SGMS1: variants seen among roughly 807,000 people sequenced by gnomAD.
SGMS1 encodes sphingomyelin synthase 1.
Under a neutral mutation model 46.2 loss-of-function variants are expected in SGMS1, and 13 were observed. That is an observed-to-expected ratio of 0.28 (90% CI 0.18 to 0.45). SGMS1 has a LOEUF of 0.45. Ranked by LOEUF, SGMS1 falls within the 20% of genes least tolerant of loss-of-function variation. The pLI is 1.00. For synonymous variants in SGMS1, 203 were observed against 187.8 expected (o/e 1.08, Z -0.66); for missense variants, 324 against 519.9 (o/e 0.62, Z 3.66).
rs547003185 is a variant in SGMS1 at position 50,554,822 on chromosome 10, C to T, written c.-588-34901G>A. ...ACTATGTATTCTTTTTCTAGACACA[C>T]AAAATGTTCTACAAGTTGCTTTTTT... is the stretch of plus-strand genomic sequence containing the variant. On this transcript the variant is annotated intron_variant, in intron 2 of 10. Coordinates refer to ENST00000361781, the MANE Select transcript of SGMS1 (RefSeq NM_147156.4). Among the ~76,000 whole-genome samples, 5 of 152,332 alleles carry T rather than the reference C, an allele frequency of 3.3e-5. No homozygotes were observed. The South Asian group carries it at 8.3e-4, about 25-fold the overall frequency.
intron 5 of SGMS1, among the ~76,000 whole-genome samples, chr10:50,446,455 T>C (rs916752963): frequency 6.6e-6 from 1 of 152,056 alleles, no homozygotes; most frequent in Non-Finnish European, 1.5e-5. Flanking sequence ...GGGGCTGGTT[T>C]CCCCCGATAC....
At chr10:50,578,965 C>T (rs1838409084) in intron 2 of SGMS1, among the ~76,000 whole-genome samples, 2 of 151,702 alleles carry the variant, frequency 1.3e-5, no homozygotes, top group Non-Finnish European at 2.9e-5. Flanking sequence ...AATGGACATT[C>T]AAAGATCATA....
intron 6 of SGMS1, among the ~76,000 whole-genome samples, chr10:50,349,433 G>A (rs892551662): frequency 7.2e-5 from 11 of 152,206 alleles, no homozygotes; most frequent in East Asian, 5.8e-4. Flanking sequence ...GGGAGCCTGC[G>A]TTTGAGAGTC....
At chr10:50,551,074 T>C (rs780920619) in intron 2 of SGMS1, among the ~76,000 whole-genome samples, 4 of 152,092 alleles carry the variant, frequency 2.6e-5, no homozygotes, top group African/African-American at 9.7e-5. Context: ...GTGGGCTACA[T>C]ATAGTGACTT....
At chr10:50,438,137 G>T (rs1849497872) in intron 5 of SGMS1, among the ~76,000 whole-genome samples, 1 of 152,190 alleles carries the variant, frequency 6.6e-6, no homozygotes, top group Admixed American at 6.5e-5. Context: ...TTCTTGGCCA[G>T]TCTCAGATGT....
At position 50,495,073 on chromosome 10, in the gene SGMS1, C is replaced by CAAAAA. The variant is rs35208238; in HGVS notation, c.-498+24753_-498+24757dup. Reference sequence around the variant, plus strand: ...AAAATAAAAAAAAATACAAAAAATACAAAAAAAAAAAAAAATTAGCCGGAC... The same window carrying CAAAAA: ...AAAATAAAAAAAAATACAAAAAATACAAAAAAAAAAAAAAAAAAAATTAGCCGGAC... On this transcript the variant is annotated intron_variant, in intron 3 of 10. Coordinates refer to ENST00000361781, the MANE Select transcript of SGMS1 (RefSeq NM_147156.4). Among the ~76,000 whole-genome samples, 22 of 87,134 alleles carry CAAAAA rather than the reference C, an allele frequency of 2.5e-4. 1 individual carries two copies. Among genetic ancestry groups the CAAAAA allele is most frequent in the African/African-American group, 7.2e-4 (17 of 23,768 alleles). 57.2% of individuals were successfully genotyped at this position (87,134 alleles called of 152,430 possible).
chr10:50,618,313 ATACTCT>A (rs1341100609), intron 1 of SGMS1, among the ~76,000 whole-genome samples: 2 of 152,226 alleles, frequency 1.3e-5, no homozygotes, highest in African/African-American at 4.8e-5. Flanking sequence ...AAAATATCTT[ATACTCT>A]TAAAGTGCAA....
intron 3 of SGMS1, among the ~76,000 whole-genome samples, chr10:50,469,771 C>A (rs919062218): frequency 4.3e-4 from 66 of 152,212 alleles, no homozygotes; most frequent in Non-Finnish European, 5.9e-4. Flanking sequence ...CTACTGGTGA[C>A]TTCCTCTCAA....
At chr10:50,466,049 TGA>T (rs990557969) in intron 4 of SGMS1, among the ~76,000 whole-genome samples, 14 of 152,246 alleles carry the variant, frequency 9.2e-5, no homozygotes, top group African/African-American at 3.4e-4. Context: ...GGGTGGTCTA[TGA>T]GAGAGAACTC....
intron 1 of SGMS1, among the ~76,000 whole-genome samples, chr10:50,592,321 T>G (rs2131894577): frequency 1.3e-5 from 2 of 152,354 alleles, no homozygotes; most frequent in East Asian, 3.9e-4. Context: ...AATTATGGAT[T>G]AGAATGTAAT....
At chr10:50,386,766 C>T (rs571251275) in intron 6 of SGMS1, among the ~76,000 whole-genome samples, 2 of 152,274 alleles carry the variant, frequency 1.3e-5, no homozygotes, top group South Asian at 2.1e-4. Context: ...ACCCCTGCCC[C>T]ACCTGTGAGA....
intron 2 of SGMS1, among the ~76,000 whole-genome samples, chr10:50,524,725 T>G (rs1367109903): frequency 1.3e-5 from 2 of 151,988 alleles, no homozygotes; most frequent in Non-Finnish European, 2.9e-5. Flanking sequence ...AGCTGGGGAG[T>G]GCTGGAGCCA....
Position 50,551,013 on chromosome 10 carries a change from G to A in SGMS1, c.-588-31092C>T, listed in dbSNP as rs192117544. ...TGCAGAAGAATTCAAAGTAATTTAT[G>A]TAGACATTCCAACCACAAGGAGAAG... On this transcript the variant is annotated intron_variant, in intron 2 of 10. Coordinates refer to ENST00000361781, the MANE Select transcript of SGMS1 (RefSeq NM_147156.4). 6.2e-4 allele frequency among the ~76,000 whole-genome samples: 94 copies of A among 152,282 alleles called. No homozygotes were observed. The East Asian group carries it at 0.012, about 19-fold the overall frequency.
chr10:50,366,334 C>T (rs370159922), intron 6 of SGMS1, among the ~76,000 whole-genome samples: 46 of 152,254 alleles, frequency 3.0e-4, no homozygotes, highest in African/African-American at 8.9e-4. Flanking sequence ...AAAATATAAA[C>T]GCTTTTACAC....
chr10:50,372,957 A>G lies in SGMS1; in HGVS notation c.-231-28612T>C, dbSNP rs566903464. Among the ~76,000 whole-genome samples the G allele has an allele frequency of 6.7e-5, 10 of 150,038 alleles. 1 individual carries two copies. The South Asian group carries it at 1.5e-3, about 22-fold the overall frequency. ...GTCAATGCTATAATATAAAAAAAAT[A>G]TTCAAAACATTATTTCACATTTGTA... is the stretch of plus-strand genomic sequence containing the variant. On this transcript the variant is annotated intron_variant, in intron 6 of 10. Transcript: ENST00000361781.
At chr10:50,352,428 A>T (rs1848035052) in intron 6 of SGMS1, among the ~76,000 whole-genome samples, 1 of 152,238 alleles carries the variant, frequency 6.6e-6, no homozygotes, top group African/African-American at 2.4e-5. Context: ...GGAGAATGTT[A>T]AAAAATAACA....
At chr10:50,405,483 C>T (rs2133553066) in intron 6 of SGMS1, among the ~76,000 whole-genome samples, 1 of 152,268 alleles carries the variant, frequency 6.6e-6, no homozygotes, top group African/African-American at 2.4e-5. Context: ...TTATGCATTG[C>T]ATGGTGTATA....
intron 8 of SGMS1, among the ~76,000 whole-genome samples, chr10:50,322,256 G>T (rs1347019198): frequency 6.6e-6 from 1 of 152,100 alleles, no homozygotes; most frequent in Non-Finnish European, 1.5e-5. Context: ...TCAAATCTAA[G>T]GTCACCATGG....
intron 3 of SGMS1, among the ~76,000 whole-genome samples, chr10:50,488,753 C>T (rs1420326119): frequency 2.0e-4 from 31 of 152,202 alleles, no homozygotes; most frequent in Non-Finnish European, 1.5e-5. Flanking sequence ...CAATTAACTT[C>T]TTTTTCCCAT....
Sources: allele counts gnomAD v4.1 joint callset (sites outside exome capture counted in the v4.1 genomes callset), GRCh38; gene constraint gnomAD v4.1.1; transcripts MANE v1.5; gene names NCBI Gene and HGNC (gene_info 2026-07-23, HGNC 2026-07-21).